The following LRP1B variants were observed in gnomAD, a reference collection of about 807,000 sequenced individuals.
LRP1B encodes the protein LDL receptor related protein 1B.
Under a neutral mutation model 556.6 loss-of-function variants are expected in LRP1B, and 217 were observed. That is an observed-to-expected ratio of 0.39 (90% CI 0.35 to 0.44). LRP1B has a LOEUF of 0.44. LRP1B is among the 20% of genes least tolerant of loss of function. The probability of loss-of-function intolerance (pLI) is 1.00; values close to 1 mark genes in which losing one functional copy is unlikely to be tolerated. For synonymous variants in LRP1B, 2,047 were observed against 1,865.8 expected, an observed-to-expected ratio of 1.10 and a Z score of -2.50; for missense variants, 5,053 against 5,620.8, an observed-to-expected ratio of 0.90 and a Z score of 3.23.
chr2:141,389,058 C>T (rs1689950933), intron 3 of LRP1B, among the ~76,000 whole-genome samples: 1 of 152,124 alleles, frequency 6.6e-6, no homozygotes, highest in Admixed American at 6.5e-5. Flanking sequence ...GATGCCACTA[C>T]TACTCACACT....
intron 2 of LRP1B, among the ~76,000 whole-genome samples, chr2:141,696,385 T>G (rs1231070305): frequency 6.6e-6 from 1 of 151,998 alleles, no homozygotes; most frequent in East Asian, 1.9e-4. Context: ...ACTTTTAATA[T>G]TGAATAAAAT....
chr2:140,738,518 C>T (rs1688026181), intron 35 of LRP1B, among the ~76,000 whole-genome samples: 2 of 152,148 alleles, frequency 1.3e-5, no homozygotes, highest in Non-Finnish European at 1.5e-5. Flanking sequence ...TCAGCTCCCA[C>T]ATTGTCCCCC....
intron 7 of LRP1B, among the ~76,000 whole-genome samples, chr2:141,164,586 T>A (rs570701388): frequency 2.2e-4 from 34 of 152,178 alleles, no homozygotes; most frequent in African/African-American, 7.5e-4. Flanking sequence ...TAGCAGGGTA[T>A]CAAATTAGAT....
intron 27 of LRP1B, among the ~76,000 whole-genome samples, chr2:140,858,085 G>C (rs1692672265): frequency 6.6e-6 from 1 of 152,152 alleles, no homozygotes; most frequent in Admixed American, 6.5e-5. Flanking sequence ...GGAATAAATT[G>C]AGACATTTTT....
chr2:140,654,969 G>A (rs910582742), intron 41 of LRP1B, among the ~76,000 whole-genome samples: 1 of 151,668 alleles, frequency 6.6e-6, no homozygotes, highest in East Asian at 1.9e-4. Flanking sequence ...TTCACCCAAG[G>A]TTTCCTAGCT....
At chr2:141,585,532 C>T (rs1294475277) in intron 2 of LRP1B, among the ~76,000 whole-genome samples, 1 of 151,322 alleles carries the variant, frequency 6.6e-6, no homozygotes, top group Non-Finnish European at 1.5e-5. Flanking sequence ...GTTAGACACC[C>T]TATTTCTGAA....
chr2:142,088,986 A>G lies in LRP1B; in HGVS notation c.82+41662T>C, dbSNP rs1376995805. ...CAAGGCTCCGTCTCAAAAAAAAAAA[A>G]AAAAAAAAAAGAAAAAGAAAAAGTT... is the stretch of plus-strand genomic sequence containing the variant. On this transcript the variant is annotated intron_variant, in intron 1 of 90. Transcript: ENST00000389484. Among the ~76,000 whole-genome samples the G allele has an allele frequency of 4.8e-4, 61 of 126,200 alleles. 2 individuals carry two copies. In the East Asian group the frequency reaches 7.7e-3, roughly 16 times the overall value. The allele number at this position is 126,200 out of a possible 152,430, so 82.8% of individuals were successfully genotyped here. A position where few individuals can be genotyped will look rare whatever the true frequency, so the allele number is the denominator to read the frequency against.
intron 87 of LRP1B, among the ~76,000 whole-genome samples, chr2:140,243,733 C>T (rs1180284517): frequency 2.0e-5 from 3 of 151,158 alleles, no homozygotes; most frequent in African/African-American, 7.3e-5. Context: ...ACCACTCTCC[C>T]CCTTGTTCTC....
chr2:141,603,114 A>G (rs575797048), intron 2 of LRP1B, among the ~76,000 whole-genome samples: 1 of 152,206 alleles, frequency 6.6e-6, no homozygotes, highest in African/African-American at 2.4e-5. Flanking sequence ...AAATTTAAGC[A>G]TAGCTGTGTC....
At chr2:140,685,519 A>T (rs563531538) in intron 41 of LRP1B, among the ~76,000 whole-genome samples, 1 of 152,340 alleles carries the variant, frequency 6.6e-6, no homozygotes, top group East Asian at 1.9e-4. Context: ...GGCTGGGTTC[A>T]ATCTAGATAA....
At chr2:141,713,616 T>C in intron 2 of LRP1B, among the ~76,000 whole-genome samples, 1 of 152,126 alleles carries the variant, frequency 6.6e-6, no homozygotes, top group East Asian at 1.9e-4. Flanking sequence ...ATGAATTCTT[T>C]TATTACCCTA....
At chr2:141,630,825 A>T (rs882746) in intron 2 of LRP1B, among the ~76,000 whole-genome samples, 1 of 152,022 alleles carries the variant, frequency 6.6e-6, no homozygotes, top group Non-Finnish European at 1.5e-5. Context: ...AATTGTGCAT[A>T]TTGCATTATC....
intron 1 of LRP1B, among the ~76,000 whole-genome samples, chr2:142,057,963 T>C (rs1704740434): frequency 6.6e-6 from 1 of 152,118 alleles, no homozygotes; most frequent in South Asian, 2.1e-4. Context: ...TTGACCACTT[T>C]ATATTCAAAG....
chr2:140,307,484 T>C (rs72892287), intron 83 of LRP1B, among the ~76,000 whole-genome samples: 5,533 of 151,956 alleles, frequency 0.036, 115 homozygotes, highest in South Asian at 0.083. Context: ...ATTTTTTTCT[T>C]GATTTTATAC....
intron 6 of LRP1B, among the ~76,000 whole-genome samples, chr2:141,200,461 C>T (rs1681962187): frequency 6.6e-6 from 1 of 152,098 alleles, no homozygotes; most frequent in South Asian, 2.1e-4. Flanking sequence ...ATGAAATCAT[C>T]TTTCAGACAT....
chr2:141,240,365 C>T (rs146102974), intron 5 of LRP1B, among the ~76,000 whole-genome samples: 1 of 129,072 alleles, frequency 7.7e-6, no homozygotes, highest in Non-Finnish European at 1.7e-5. Context: ...ATTTTTTTTT[C>T]TTAAAAAATG....
chr2:140,427,312 G>T (rs1377968410), intron 66 of LRP1B, among the ~76,000 whole-genome samples: 1 of 152,024 alleles, frequency 6.6e-6, no homozygotes, highest in Non-Finnish European at 1.5e-5. Flanking sequence ...GCTCACCCAC[G>T]TTGCAGCCCA....
chr2:140,412,921 G>A (rs560558645), intron 66 of LRP1B, among the ~76,000 whole-genome samples: 1 of 152,060 alleles, frequency 6.6e-6, no homozygotes, highest in South Asian at 2.1e-4. Context: ...TAAAACAATG[G>A]CAGAATCTCT....
chr2:141,678,964 C>G (rs555353251), intron 2 of LRP1B, among the ~76,000 whole-genome samples: 2 of 152,204 alleles, frequency 1.3e-5, no homozygotes, highest in East Asian at 3.9e-4. Flanking sequence ...ATTGAGACAT[C>G]TTTTTCTGAG....
Sources: gnomAD v4.1 joint callset for allele counts (sites outside exome capture counted in the v4.1 genomes callset) on GRCh38, gnomAD v4.1.1 for gene constraint, MANE v1.5 for transcripts, NCBI Gene and HGNC (gene_info 2026-07-23, HGNC 2026-07-21) for gene names.